The following FOXJ3 variants were observed in gnomAD, a reference collection of about 807,000 sequenced individuals.
The protein encoded by FOXJ3 is forkhead box protein J3.
In FOXJ3, 22 loss-of-function variants were observed where a neutral mutation model predicts 76.1. That is an observed-to-expected ratio of 0.29 (90% CI 0.21 to 0.41). FOXJ3 has a LOEUF of 0.41. Among genes scored for constraint, FOXJ3 ranks in the 10% least tolerant of loss-of-function variants. The pLI is 1.00. For missense variants in FOXJ3, 613 were observed against 762.1 expected, an observed-to-expected ratio of 0.80 and a Z score of 2.30; for synonymous variants, 269 against 261.2, an observed-to-expected ratio of 1.03 and a Z score of -0.29.
chr1:42,196,728 T>C (rs1646658675), intron 7 of FOXJ3, among the ~76,000 whole-genome samples: 1 of 152,162 alleles, frequency 6.6e-6, no homozygotes, highest in Admixed American at 6.5e-5. Context: ...AAAGTCTAGC[T>C]TTAAACACGG....
At chr1:42,252,700 T>C (rs1650198759) in intron 4 of FOXJ3, among the ~76,000 whole-genome samples, 1 of 152,128 alleles carries the variant, frequency 6.6e-6, no homozygotes, top group Non-Finnish European at 1.5e-5. Context: ...GCTTTTCTAG[T>C]TCTTTTAATT....
At chr1:42,251,158 A>T (rs569443370) in intron 4 of FOXJ3, among the ~76,000 whole-genome samples, 2 of 152,278 alleles carry the variant, frequency 1.3e-5, no homozygotes, top group East Asian at 3.9e-4. Context: ...ACATCCAAAG[A>T]AAAGAGAAAA....
At chr1:42,271,973 C>T (rs1651899043) in intron 3 of FOXJ3, among the ~76,000 whole-genome samples, 1 of 152,174 alleles carries the variant, frequency 6.6e-6, no homozygotes, top group Admixed American at 6.5e-5. Flanking sequence ...AATTCCTTTT[C>T]CTCTAGTTCA....
chr1:42,241,662 T>C (rs1458390975), intron 4 of FOXJ3, among the ~76,000 whole-genome samples: 1 of 152,194 alleles, frequency 6.6e-6, no homozygotes, highest in Non-Finnish European at 1.5e-5. Flanking sequence ...TCACAGCCAC[T>C]GATAACATCA....
intron 2 of FOXJ3, among the ~76,000 whole-genome samples, chr1:42,287,348 AT>A (rs1184326084): frequency 2.6e-5 from 4 of 152,054 alleles, no homozygotes; most frequent in African/African-American, 9.7e-5. Context: ...TTAAAAAAAA[AT>A]AAAAGTTTTA....
At chr1:42,286,969 A>G (rs1381857860) in intron 2 of FOXJ3, among the ~76,000 whole-genome samples, 1 of 152,134 alleles carries the variant, frequency 6.6e-6, no homozygotes, top group Non-Finnish European at 1.5e-5. Context: ...GACCAACAAT[A>G]TTTCTTAAAA....
At chr1:42,253,492 GCC>G in intron 4 of FOXJ3, among the ~76,000 whole-genome samples, 1 of 150,860 alleles carries the variant, frequency 6.6e-6, no homozygotes, top group African/African-American at 2.4e-5. Flanking sequence ...CCAAAAAAGA[GCC>G]CGTGTTGCCA....
At chr1:42,238,570 T>C (rs1419725382) in intron 4 of FOXJ3, among the ~76,000 whole-genome samples, 1 of 152,054 alleles carries the variant, frequency 6.6e-6, no homozygotes, top group East Asian at 1.9e-4. Context: ...GGAATTATTT[T>C]TTCCCTTTTT....
At chr1:42,228,148 C>T (rs1261102929) in intron 4 of FOXJ3, among the ~76,000 whole-genome samples, 182 bp from the exon 5 acceptor site, 1 of 152,140 alleles carries the variant, frequency 6.6e-6, no homozygotes, top group Non-Finnish European at 1.5e-5. Context: ...CTTATAATTA[C>T]ATTATTAAAA....
Position 42,283,494 on chromosome 1 carries a change from G to A in FOXJ3, c.45-4822C>T, listed in dbSNP as rs115487624. 1.4e-3 allele frequency among the ~76,000 whole-genome samples: 207 copies of A among 152,162 alleles called. 1 individual carries two copies. The highest frequency in any genetic ancestry group is 4.6e-3 in the African/African-American group (192 of 41,518). ...AGTGTAGCAAAGGCTTACTCAGAAA[G>A]TTTTTCAAGTTTCAACCGTATCAAA... On this transcript the variant is annotated intron_variant, in intron 2 of 12. Transcript: ENST00000361346.
chr1:42,276,382 A>AAG (rs1309424204), intron 3 of FOXJ3, among the ~76,000 whole-genome samples: 1 of 152,080 alleles, frequency 6.6e-6, no homozygotes, highest in Non-Finnish European at 1.5e-5. Context: ...GGGAAAGGGG[A>AAG]AGAGAGGGGA....
At chr1:42,328,222 G>A (rs893074499) in intron 1 of FOXJ3, among the ~76,000 whole-genome samples, 1 of 152,200 alleles carries the variant, frequency 6.6e-6, no homozygotes, top group Non-Finnish European at 1.5e-5. Context: ...CTTGAGCCCT[G>A]CAGTTGGGAG....
intron 12 of FOXJ3, among the ~76,000 whole-genome samples, chr1:42,181,585 G>A (rs1013936134): frequency 6.6e-6 from 1 of 152,136 alleles, no homozygotes; most frequent in Non-Finnish European, 1.5e-5. Flanking sequence ...GGGCTAATAA[G>A]GACTTCAGGT....
chr1:42,199,172 T>C lies in FOXJ3; in HGVS notation c.689A>G (p.Asn230Ser), dbSNP rs371552586. The C allele has an allele frequency of 2.1e-5, 34 of 1,612,776 alleles. No homozygotes were observed. Among genetic ancestry groups the C allele is most frequent in the Middle Eastern group, 1.6e-4 (1 of 6,078 alleles). Residue 230 changes from asparagine (N) to serine (S), a missense_variant, in exon 7 of 13, where the codon AAC becomes AGC. Physicochemically the swap from Asn to Ser is conservative, Grantham distance 46 (BLOSUM62 1). Coordinates refer to ENST00000361346, the MANE Select transcript of FOXJ3 (RefSeq NM_014947.5). ...GSDSPRSSLN[N>S]SLSDQSLASV... ...TGCCAAACTCTGGTCTGAGAGACTGTTGTTAAGGCTACTGCGTGGGCTATC... is the reference window on the plus strand; with the variant it reads ...TGCCAAACTCTGGTCTGAGAGACTGCTGTTAAGGCTACTGCGTGGGCTATC...
At chr1:42,243,792 C>T (rs1018482973) in intron 4 of FOXJ3, among the ~76,000 whole-genome samples, 1 of 152,106 alleles carries the variant, frequency 6.6e-6, no homozygotes, top group African/African-American at 2.4e-5. Context: ...CAAAGAAACA[C>T]TGGATTTAAA....
At chr1:42,263,920 A>C (rs1418415218) in intron 4 of FOXJ3, among the ~76,000 whole-genome samples, 2 of 141,394 alleles carry the variant, frequency 1.4e-5, no homozygotes, top group East Asian at 4.4e-4. Context: ...AGACCATATG[A>C]GTAGGTTAAC....
intron 1 of FOXJ3, among the ~76,000 whole-genome samples, chr1:42,317,993 G>C (rs1206371203): frequency 6.6e-6 from 1 of 152,088 alleles, no homozygotes; most frequent in African/African-American, 2.4e-5. Context: ...CCAAAACCTA[G>C]TATAAAGCCA....
At chr1:42,185,030 C>T (rs1308992931) in intron 11 of FOXJ3, among the ~76,000 whole-genome samples, 1 of 152,018 alleles carries the variant, frequency 6.6e-6, no homozygotes, top group African/African-American at 2.4e-5. Context: ...ATAGTAACAA[C>T]ATTGGTCTTT....
At position 42,191,412 on chromosome 1, in the gene FOXJ3, G is replaced by A. The variant is rs765090367; in HGVS notation, c.1242C>T (p.His414=). The A allele has an allele frequency of 6.2e-7, 1 of 1,609,670 alleles. No homozygotes were observed. Among genetic ancestry groups the A allele is most frequent in the Non-Finnish European group, 8.5e-7 (1 of 1,176,176 alleles). ...GTTGATGTGGAGAGGGATGCTGGGG[G>A]TGAGGGGACTGGAGCTGGCTGTGTT... The part of the protein sequence containing the change: ...PQQHSQLQSP[H]PQHPSPHQHI... The change falls in exon 9 of 13, where the codon CAC becomes CAT. Residue 414 remains histidine, a synonymous_variant. Coordinates refer to ENST00000361346, the MANE Select transcript of FOXJ3 (RefSeq NM_014947.5).
Sources: gnomAD v4.1 joint callset for allele counts (sites outside exome capture counted in the v4.1 genomes callset) on GRCh38, gnomAD v4.1.1 for gene constraint, MANE v1.5 for transcripts, NCBI Gene and HGNC (gene_info 2026-07-23, HGNC 2026-07-21) for gene names.